The following LARP1 variants were observed in gnomAD, a reference collection of about 807,000 sequenced individuals.
The protein encoded by LARP1 is La ribonucleoprotein 1, translational regulator.
In LARP1, 36 loss-of-function variants were observed where a neutral mutation model predicts 122.7. The ratio of observed to expected loss-of-function variants is 0.29; its 90% CI spans 0.22 to 0.39. LARP1 has a LOEUF of 0.39. Among genes scored for constraint, LARP1 ranks in the 10% least tolerant of loss-of-function variants. LARP1 has a pLI of 1.00. For synonymous variants in LARP1, 539 were observed against 528.7 expected, an observed-to-expected ratio of 1.02 and a Z score of -0.27; for missense variants, 1,040 against 1,403.6, an observed-to-expected ratio of 0.74 and a Z score of 4.14.
chr5:154,781,786 A>G (rs1756472098), intron 1 of LARP1, among the ~76,000 whole-genome samples: 1 of 152,194 alleles, frequency 6.6e-6, no homozygotes, highest in African/African-American at 2.4e-5. Context: ...AGCTATCATT[A>G]GTGTTAGTGT....
At chr5:154,755,294 CG>C (rs1308393688), upstream of LARP1, among the ~76,000 whole-genome samples, 1 of 147,652 alleles carries the variant, frequency 6.8e-6, no homozygotes, top group African/African-American at 2.5e-5. Context: ...TCCCCTCGCC[CG>C]CCGCGTCGTG....
chr5:154,779,572 A>C (rs564513829), intron 1 of LARP1, among the ~76,000 whole-genome samples: 2 of 147,030 alleles, frequency 1.4e-5, no homozygotes, highest in Admixed American at 7.0e-5. Flanking sequence ...GCAGTGGCGC[A>C]ATCTCGGCTC....
chr5:154,742,309 C>T (rs945505433), intron 1 of LARP1, among the ~76,000 whole-genome samples: 1 of 152,192 alleles, frequency 6.6e-6, no homozygotes, highest in African/African-American at 2.4e-5. Context: ...CACCTGTAAT[C>T]CCAGCACATT....
intron 1 of LARP1, among the ~76,000 whole-genome samples, chr5:154,685,261 A>T (rs1753875474): frequency 6.8e-6 from 1 of 148,138 alleles, no homozygotes; most frequent in Non-Finnish European, 1.5e-5. Flanking sequence ...AAAAAAAAAG[A>T]ATTGCACTCC....
At chr5:154,794,990 G>GT (rs1271615739) in intron 7 of LARP1, among the ~76,000 whole-genome samples, 185 bp from the exon 8 acceptor site, 1 of 152,164 alleles carries the variant, frequency 6.6e-6, no homozygotes, top group Non-Finnish European at 1.5e-5. Flanking sequence ...CCCAAGCAAG[G>GT]TAGGGTGTCA....
chr5:154,771,678 T>A (rs554038504), intron 1 of LARP1, among the ~76,000 whole-genome samples: 99 of 152,328 alleles, frequency 6.5e-4, no homozygotes, highest in African/African-American at 2.2e-3. Flanking sequence ...CTGCCTCCGC[T>A]GGCAGGGTGG....
chr5:154,758,559 G>C (rs1754190286), intron 1 of LARP1, among the ~76,000 whole-genome samples: 1 of 152,160 alleles, frequency 6.6e-6, no homozygotes, highest in Non-Finnish European at 1.5e-5. Context: ...TGGAGCCTAC[G>C]TGGATCTCTG....
intron 1 of LARP1, among the ~76,000 whole-genome samples, chr5:154,756,714 GT>G (rs1397244027): frequency 1.3e-5 from 2 of 152,164 alleles, no homozygotes; most frequent in Admixed American, 6.5e-5. Context: ...AAGTTAACAA[GT>G]TTTGTTCTCG....
chr5:154,711,865 A>G (rs1315720698), upstream of LARP1, among the ~76,000 whole-genome samples: 7 of 152,070 alleles, frequency 4.6e-5, no homozygotes, highest in African/African-American at 7.2e-5. Flanking sequence ...AGCTCTTCCA[A>G]TGTCTCGTTC....
intron 1 of LARP1, among the ~76,000 whole-genome samples, chr5:154,735,546 T>TTTATTTAC (rs1468426721): frequency 1.7e-3 from 7 of 4,028 alleles, no homozygotes; most frequent in Non-Finnish European, 7.8e-3. Flanking sequence ...TATTTTTATT[T>TTTATTTAC]TTATTTATTT....
rs1254049211 is a variant in LARP1 at position 154,793,940 on chromosome 5, TTCCGTG to T, written c.1010_1015del (p.Phe337_Gly339delinsCys). 3.1e-6 allele frequency: 5 copies of T among 1,613,796 alleles called. No homozygotes were observed. Among genetic ancestry groups the T allele is most frequent in the African/African-American group, 2.7e-5 (2 of 75,050 alleles). Reference sequence around the variant, plus strand: ...TGGGGCTGGTGGGGCGCGGGCTTCCTTCCGTGGCCGTGGACGGGGGCGTGGTCGCGG... The same window carrying T: ...TGGGGCTGGTGGGGCGCGGGCTTCCTGCCGTGGACGGGGGCGTGGTCGCGG... On this transcript the variant is annotated inframe_deletion, in exon 6 of 19. Coordinates refer to ENST00000518297, the MANE Select transcript of LARP1 (RefSeq NM_033551.3).
At chr5:154,762,445 G>A (rs1226406919) in intron 1 of LARP1, among the ~76,000 whole-genome samples, 2 of 152,298 alleles carry the variant, frequency 1.3e-5, no homozygotes, top group African/African-American at 2.4e-5. Context: ...GTTACCAGGG[G>A]CAAGTGGCCA....
At chr5:154,690,928 ATTGATTCTTCT>A (rs1284483441) in intron 1 of LARP1, among the ~76,000 whole-genome samples, 1 of 152,204 alleles carries the variant, frequency 6.6e-6, no homozygotes, top group African/African-American at 2.4e-5. Context: ...GCCACAGTAT[ATTGATTCTTCT>A]TTGATTCTGA....
At chr5:154,779,296 G>A (rs995361069) in intron 1 of LARP1, among the ~76,000 whole-genome samples, 1 of 152,076 alleles carries the variant, frequency 6.6e-6, no homozygotes, top group Non-Finnish European at 1.5e-5. Context: ...CAAGTTACAA[G>A]CTACATGAGA....
At chr5:154,767,917 A>G (rs1755085845) in intron 1 of LARP1, among the ~76,000 whole-genome samples, 1 of 152,150 alleles carries the variant, frequency 6.6e-6, no homozygotes, top group South Asian at 2.1e-4. Context: ...AATCAGGAAC[A>G]CCTGGAAGAA....
intron 1 of LARP1, among the ~76,000 whole-genome samples, chr5:154,689,321 C>T (rs1008612440): frequency 1.3e-5 from 2 of 152,074 alleles, no homozygotes; most frequent in Non-Finnish European, 1.5e-5. Context: ...GGCGTGGTGG[C>T]GGCACTTGTA....
intron 18 of LARP1, among the ~76,000 whole-genome samples, chr5:154,812,765 G>GC (rs1759386646): frequency 6.6e-6 from 1 of 151,976 alleles, no homozygotes; most frequent in Admixed American, 6.6e-5. Flanking sequence ...TGATCCACCT[G>GC]CTTGGCCTCC....
intron 1 of LARP1, among the ~76,000 whole-genome samples, chr5:154,696,185 T>C (rs1223073535): frequency 6.6e-6 from 1 of 151,946 alleles, no homozygotes; most frequent in Admixed American, 6.6e-5. Context: ...GGAGAAACAC[T>C]TTTTCTACAA....
At chr5:154,743,610 A>G (rs1451877917) in intron 1 of LARP1, among the ~76,000 whole-genome samples, 2 of 140,124 alleles carry the variant, frequency 1.4e-5, no homozygotes, top group Admixed American at 7.2e-5. Context: ...CTTCTGGCCT[A>G]TAGTTTGTTT....
Sources: gnomAD v4.1 joint callset for allele counts (sites outside exome capture counted in the v4.1 genomes callset) on GRCh38, gnomAD v4.1.1 for gene constraint, MANE v1.5 for transcripts, NCBI Gene and HGNC (gene_info 2026-07-23, HGNC 2026-07-21) for gene names.